The following DACT2 variants were observed in gnomAD, a reference collection of about 807,000 sequenced individuals.
The protein encoded by DACT2 is dishevelled binding antagonist of beta catenin 2, also known as dapper homolog 2.
In DACT2, 20 loss-of-function variants were observed where a neutral mutation model predicts 22.2. The ratio of observed to expected loss-of-function variants is 0.90; its 90% CI spans 0.63 to 1.31. DACT2 has a LOEUF of 1.31. Ranked by LOEUF, DACT2 falls within the 50% of genes most tolerant of loss-of-function variation. The pLI, the probability that DACT2 is intolerant of heterozygous loss-of-function variation, is 0.00. For synonymous variants in DACT2, 463 were observed against 479.8 expected, an observed-to-expected ratio of 0.96 and a Z score of 0.46; for missense variants, 1,048 against 1,061.4, an observed-to-expected ratio of 0.99 and a Z score of 0.18.
At position 168,310,373 on chromosome 6, in the gene DACT2, G is replaced by T; in HGVS notation, c.453C>A (p.Ile151=). 1 of 1,551,664 alleles carries T rather than the reference G, an allele frequency of 6.4e-7. No individual in the cohort carries two copies. The highest frequency in any genetic ancestry group is 1.4e-5 in the African/African-American group (1 of 73,192). Residue 151 remains isoleucine (I), a synonymous_variant, in exon 3 of 4, where the codon ATC becomes ATA. Coordinates refer to ENST00000366795, the MANE Select transcript of DACT2 (RefSeq NM_214462.5). The part of the protein sequence containing the change: ...TSCASVCSDH[I]SPSLGSLLPV... Reference sequence around the variant, plus strand: ...GCAACAAACTGCCCAGCGAGGGAGAGATGTGGTCACTGCAGACGGAGGCAC... The same window carrying T: ...GCAACAAACTGCCCAGCGAGGGAGATATGTGGTCACTGCAGACGGAGGCAC...
intron 5 of DACT2, chr6:168,294,015 T>C (rs1583287182): frequency 1.4e-6 from 1 of 703,136 alleles, no homozygotes; most frequent in East Asian, 2.7e-5. Context: ...GCACGTCTGC[T>C]ACTGCTCTTT....
rs1779593737 is a variant in DACT2, at chr6:168,319,469, G to A, written c.165C>T (p.Pro55=). ...GALALQPPPA[P]AAPCGPHGLH... is the part of the protein sequence containing the mutation. The stretch of plus-strand genomic sequence containing the variant: ...GGCCGTGGGGGCCGCAGGGCGCGGC[G>A]GGCGCGGGCGGGGGCTGCAGGGCCA... The change falls in exon 1 of 4, where the codon CCC becomes CCT. Residue 55 remains proline, a synonymous_variant. Coordinates refer to ENST00000366795, the MANE Select transcript of DACT2 (RefSeq NM_214462.5). The A allele has an allele frequency of 1.7e-6, 2 of 1,203,694 alleles. No homozygotes were observed. Among genetic ancestry groups the A allele is most frequent in the Non-Finnish European group, 1.0e-6 (1 of 971,020 alleles). The allele number at this position is 1,203,694 out of a possible 1,614,324, so 74.6% of individuals were successfully genotyped here.
Position 168,308,554 on chromosome 6 carries a change from G to GCCCCTGCCGGCA in DACT2, c.1191_1202dup (p.Ala398_Gly401dup), listed in dbSNP as rs142218608. Reference sequence around the variant, plus strand: ...GCATGTATCCCTGCTGCTGGGGCCCGCCCCTGCCGGCACCCCTGCTCTGAG... The same window carrying GCCCCTGCCGGCA: ...GCATGTATCCCTGCTGCTGGGGCCCGCCCCTGCCGGCACCCCTGCCGGCACCCCTGCTCTGAG... On this transcript the variant is annotated inframe_insertion, in exon 4 of 4. Transcript: ENST00000366795. The GCCCCTGCCGGCA allele has an allele frequency of 0.023, 35,429 of 1,549,286 alleles. 2,222 individuals carry two copies. The highest frequency in any genetic ancestry group is 0.22 in the African/African-American group (15,731 of 72,948).
At chr6:168,319,139 G>C (rs1350667285) in intron 1 of DACT2, among the ~76,000 whole-genome samples, 2 of 152,154 alleles carry the variant, frequency 1.3e-5, no homozygotes, top group Non-Finnish European at 2.9e-5. Flanking sequence ...ATCCACGCAC[G>C]GCGGAGCGCG....
At position 168,308,289 on chromosome 6, in the gene DACT2, C is replaced by G. The variant is rs756920751; in HGVS notation, c.1468G>C (p.Gly490Arg). The G allele has an allele frequency of 1.2e-5, 18 of 1,552,126 alleles. No homozygotes were observed. Among genetic ancestry groups the G allele is most frequent in the Non-Finnish European group, 1.5e-5 (17 of 1,147,126 alleles). The change falls in exon 4 of 4, where the codon GGT becomes CGT. Residue 490 changes from glycine to arginine, a missense_variant. Transcript: ENST00000366795. Reference protein sequence around the residue: ...HPSFAASLKMGPPKSKAEKIK... With the variant: ...HPSFAASLKMRPPKSKAEKIK... ...TTTTCAGCCTTGCTCTTGGGGGGAC[C>G]CATTTTCAGGCTGGCAGCAAAGGAT...
downstream of DACT2, among the ~76,000 whole-genome samples, chr6:168,302,763 T>C (rs1779132558): frequency 6.6e-6 from 1 of 152,130 alleles, no homozygotes. Context: ...GCACATTTGG[T>C]AACTGAGTGA....
chr6:168,298,992 A>G (rs887263956), intron 3 of DACT2: 17 of 152,202 alleles, frequency 1.1e-4, no homozygotes, highest in African/African-American at 4.1e-4. Flanking sequence ...TATACTCGTT[A>G]AAAATAAATA....
chr6:168,318,786 C>A (rs1461628958), intron 1 of DACT2, among the ~76,000 whole-genome samples: 2 of 152,118 alleles, frequency 1.3e-5, no homozygotes, highest in East Asian at 3.9e-4. Context: ...AGAGGACACG[C>A]CTCTCCTTAC....
chr6:168,315,852 G>A (rs1052002612), intron 1 of DACT2, among the ~76,000 whole-genome samples: 17 of 152,184 alleles, frequency 1.1e-4, no homozygotes, highest in Admixed American at 5.9e-4. Context: ...TGAGTTAGCC[G>A]GGAGCTGCTG....
chr6:168,294,005 G>T (rs924509154), intron 5 of DACT2: 4 of 703,024 alleles, frequency 5.7e-6, no homozygotes, highest in African/African-American at 3.5e-5. Flanking sequence ...CATCCAACAC[G>T]CACGTCTGCT....
intron 1 of DACT2, among the ~76,000 whole-genome samples, chr6:168,313,509 C>T (rs977310007): frequency 6.6e-6 from 1 of 152,132 alleles, no homozygotes; most frequent in South Asian, 2.1e-4. Flanking sequence ...TAGCACCACC[C>T]GCCAAGCCTG....
rs1390445115 is a variant in DACT2, at chr6:168,307,750, C to G, written c.2007G>C (p.Glu669Asp). Residue 669 changes from glutamate to aspartate, a missense_variant, in exon 4 of 4, where the codon GAG becomes GAC. Transcript: ENST00000366795. This position sits in a 1 kb window ranked among gnomAD's most constrained non-coding sequence, Gnocchi z 5.3. ...TGACTGACGGGAACCGCGGGTCACACTCGGCCGAGTGCTTGGAGGGCTCTG... is the reference window on the plus strand; with the variant it reads ...TGACTGACGGGAACCGCGGGTCACAGTCGGCCGAGTGCTTGGAGGGCTCTG... The part of the protein sequence containing the change: ...SDSEPSKHSA[E>D]CDPRFPSVIP... 6.5e-7 allele frequency: 1 copy of G among 1,548,188 alleles called. No homozygotes were observed.
intron 1 of DACT2, among the ~76,000 whole-genome samples, chr6:168,312,193 A>G (rs961274584): frequency 2.6e-5 from 4 of 152,140 alleles, no homozygotes; most frequent in Non-Finnish European, 5.9e-5. Context: ...ATCGGCCTTC[A>G]GGATCTTTTG....
Position 168,308,340 on chromosome 6 carries a change from G to T in DACT2, c.1417C>A (p.Pro473Thr). The change falls in exon 4 of 4, where the codon CCG becomes ACG. Residue 473 changes from proline to threonine, a missense_variant. Pro to Thr is a conservative substitution (Grantham distance 38). Coordinates refer to ENST00000366795, the MANE Select transcript of DACT2 (RefSeq NM_214462.5). ...PSRMLDKSPS[P>T]ASGHFAHPSF... ...GGGTGGGCAAAGTGCCCAGAGGCCG[G>T]TGAGGGGCTCTTGTCCAGCATCCTG... is the stretch of plus-strand genomic sequence containing the variant. 1.3e-6 allele frequency: 2 copies of T among 1,552,042 alleles called. No homozygotes were observed. Among genetic ancestry groups the T allele is most frequent in the Non-Finnish European group, 1.7e-6 (2 of 1,147,068 alleles).
chr6:168,304,937 ACTT>A (rs1779175246), downstream of DACT2, among the ~76,000 whole-genome samples: 1 of 152,174 alleles, frequency 6.6e-6, no homozygotes. Context: ...TGAGAATTCT[ACTT>A]CTTTACTCCA....
At chr6:168,294,064 GC>G (rs1778956920) in intron 5 of DACT2, 1 of 702,858 alleles carries the variant, frequency 1.4e-6, no homozygotes, top group Non-Finnish European at 2.6e-6. Flanking sequence ...ATGCCCATGA[GC>G]ACAGACCCGC....
downstream of DACT2, among the ~76,000 whole-genome samples, chr6:168,304,615 A>G (rs1283913968): frequency 6.6e-6 from 1 of 152,326 alleles, no homozygotes; most frequent in South Asian, 2.1e-4. Flanking sequence ...CACTATAGGG[A>G]GGCCATAACC....
At chr6:168,309,442 G>A (rs566642802) in intron 3 of DACT2, among the ~76,000 whole-genome samples, 1 of 151,932 alleles carries the variant, frequency 6.6e-6, no homozygotes. Context: ...GTGCGGGGCC[G>A]TTTGCGTGTA....
At chr6:168,311,029 C>A in intron 2 of DACT2, 123 bp downstream of exon 2, 1 of 1,316,320 alleles carries the variant, frequency 7.6e-7, no homozygotes, top group South Asian at 1.8e-5. Flanking sequence ...GGCCATCTCC[C>A]TGCACGGACA....
Sources: allele counts gnomAD v4.1 joint callset (sites outside exome capture counted in the v4.1 genomes callset), GRCh38; gene constraint gnomAD v4.1.1; non-coding constraint Gnocchi (gnomAD v3.1); transcripts MANE v1.5; gene names NCBI Gene and HGNC (gene_info 2026-07-23, HGNC 2026-07-21).